SLIT1: variants seen among roughly 807,000 people sequenced by gnomAD.
SLIT1 encodes slit homolog 1 protein.
Under a neutral mutation model 186.1 loss-of-function variants are expected in SLIT1, and 66 were observed. That is an observed-to-expected ratio of 0.35 (90% confidence interval 0.29 to 0.44). The LOEUF is 0.44. SLIT1 is among the 20% of genes least tolerant of loss of function. The pLI is 1.00. For synonymous variants in SLIT1, 761 were observed against 833.8 expected (o/e 0.91, Z 1.50); for missense variants, 1,638 against 2,037.4 (o/e 0.80, Z 3.77).
intron 4 of SLIT1, among the ~76,000 whole-genome samples, chr10:97,077,746 A>AGAAT (rs1849059185): frequency 2.0e-5 from 3 of 152,158 alleles, no homozygotes. Flanking sequence ...CACTCCTAAG[A>AGAAT]GAATGATAAG....
chr10:97,124,210 C>G (rs531508093), intron 4 of SLIT1, among the ~76,000 whole-genome samples: 2 of 152,288 alleles, frequency 1.3e-5, no homozygotes, highest in Non-Finnish European at 2.9e-5. Flanking sequence ...GTAGGAAATT[C>G]AAGGTAGCTC....
chr10:97,064,820 C>G lies in SLIT1; in HGVS notation c.542G>C (p.Arg181Pro). 1 of 1,611,632 alleles carries G rather than the reference C, an allele frequency of 6.2e-7. No homozygotes were observed. Among genetic ancestry groups the G allele is most frequent in the Non-Finnish European group, 8.5e-7 (1 of 1,178,836 alleles). The change falls in exon 6 of 37, where the codon CGG becomes CCG. Residue 181 changes from arginine (R) to proline (P), a missense_variant. Arg to Pro is a moderately radical substitution (Grantham distance 103, BLOSUM62 -2). Coordinates refer to ENST00000266058, the MANE Select transcript of SLIT1 (RefSeq NM_003061.3). ...CTTTACTTACAGCACCTCCAGCCCC[C>G]GCAGAGCACGGAAGGCCCCTTCCTC... ...CIEEGAFRALRGLEVLTLNNN... is the reference protein window; with the variant it reads ...CIEEGAFRALPGLEVLTLNNN...
intron 4 of SLIT1, among the ~76,000 whole-genome samples, chr10:97,067,761 G>A (rs989133305): frequency 2.0e-5 from 3 of 152,178 alleles, no homozygotes; most frequent in African/African-American, 7.2e-5. Flanking sequence ...TGAACAACCA[G>A]CGGCAGACCG....
At chr10:97,119,943 A>ATATATG (rs1298104412) in intron 4 of SLIT1, among the ~76,000 whole-genome samples, 27 of 135,428 alleles carry the variant, frequency 2.0e-4, no homozygotes, top group Non-Finnish European at 2.9e-4. Flanking sequence ...ATATATATAT[A>ATATATG]TATGTATATG....
intron 9 of SLIT1, 97 bp from the exon 10 acceptor site, chr10:97,060,255 C>A: frequency 1.0e-6 from 1 of 960,466 alleles, no homozygotes; most frequent in South Asian, 1.3e-5. Context: ...ATCCTTTGGC[C>A]CCTCTTGCCC....
rs927398061 is a variant in SLIT1, at chr10:97,034,651, G to T, written c.2367-109C>A. On this transcript the variant is annotated intron_variant, in intron 22 of 36. Transcript: ENST00000266058. ...CTGCCCAGGGCCATTCCCCAGCCAGGTTGGCCAGGGGTGGAGAGGAGCCCT... is the reference window on the plus strand; with the variant it reads ...CTGCCCAGGGCCATTCCCCAGCCAGTTTGGCCAGGGGTGGAGAGGAGCCCT... 4 of 998,468 alleles carry T rather than the reference G, an allele frequency of 4.0e-6. No homozygotes were observed. In the African/African-American group the frequency reaches 4.8e-5, roughly 12 times the overall value. The allele number at this position is 998,468 out of a possible 1,614,324, so 61.9% of individuals were successfully genotyped here.
chr10:97,040,218 A>T (rs1289947526), intron 20 of SLIT1, 98 bp from the exon 21 acceptor site: 1 of 1,279,030 alleles, frequency 7.8e-7, no homozygotes, highest in Admixed American at 3.2e-5. Flanking sequence ...TCAGAACAGA[A>T]GACCCCTCTG....
chr10:97,134,858 T>G (rs1849686980), intron 4 of SLIT1, among the ~76,000 whole-genome samples: 1 of 152,198 alleles, frequency 6.6e-6, no homozygotes, highest in Non-Finnish European at 1.5e-5. Context: ...GGCAGGCCCT[T>G]GGATGAACCT....
intron 4 of SLIT1, among the ~76,000 whole-genome samples, chr10:97,083,598 T>A (rs1358076735): frequency 6.6e-6 from 1 of 152,202 alleles, no homozygotes; most frequent in African/African-American, 2.4e-5. Context: ...TCTAGACATA[T>A]CCTCATCAAA....
At chr10:97,111,831 C>G (rs569997678) in intron 4 of SLIT1, among the ~76,000 whole-genome samples, 98 of 152,262 alleles carry the variant, frequency 6.4e-4, no homozygotes, top group African/African-American at 2.2e-3. Context: ...TACTCATCGT[C>G]TTCAATTTAA....
Position 96,999,841 on chromosome 10 carries a change from G to A in SLIT1, c.*1271C>T, listed in dbSNP as rs1018970328. 7 of 152,264 alleles carry A rather than the reference G, an allele frequency of 4.6e-5. No homozygotes were observed. The East Asian group carries it at 1.4e-3, about 29-fold the overall frequency. 9.4% of individuals were successfully genotyped at this position (152,264 alleles called of 1,614,324 possible). ...CCTGGTCATTCCTGCGATGCTCTGG[G>A]ATGAGTTCACATCTGTCCATTAGGC... is the stretch of plus-strand genomic sequence containing the variant. On this transcript the variant is annotated 3_prime_UTR_variant, in exon 37 of 37. Coordinates refer to ENST00000266058, the MANE Select transcript of SLIT1 (RefSeq NM_003061.3).
intron 4 of SLIT1, among the ~76,000 whole-genome samples, chr10:97,106,538 A>G (rs7895198): frequency 0.29 from 43,514 of 152,086 alleles, 6,868 homozygotes; most frequent in African/African-American, 0.43. Flanking sequence ...TTTATTGCCC[A>G]GTGCAGCGCA....
rs758183573 is a variant in SLIT1, at chr10:97,001,178, G to A, written c.4539C>T (p.Ser1513=). Residue 1513 remains serine (S), a synonymous_variant, in exon 37 of 37, where the codon AGC becomes AGT. Coordinates refer to ENST00000266058, the MANE Select transcript of SLIT1 (RefSeq NM_003061.3). ...CCTCCTCGGCAAAAGAGGTCCCATC[G>A]CTGCACTCAAAGGTGAACTTCCTCC... The part of the protein sequence containing the change: ...LKRRKFTFEC[S]DGTSFAEEVE... 8.7e-6 allele frequency: 14 copies of A among 1,613,184 alleles called. No homozygotes were observed. The highest frequency in any genetic ancestry group is 4.4e-5 in the South Asian group (4 of 91,096).
intron 11 of SLIT1, chr10:97,058,196 G>T (rs1248198383): frequency 1.5e-6 from 1 of 646,390 alleles, no homozygotes; most frequent in Non-Finnish European, 2.9e-6. Flanking sequence ...TCCCATTTCA[G>T]AAACACCCCT....
At chr10:97,064,777 C>G (rs1323394525) in intron 6 of SLIT1, 28 bp downstream of exon 6, 2 of 1,573,242 alleles carry the variant, frequency 1.3e-6, no homozygotes, top group African/African-American at 2.7e-5. Context: ...CCTCCACACC[C>G]CTCCTTCCTT....
chr10:97,019,134 A>C, intron 26 of SLIT1, 27 bp from the exon 27 acceptor site: 22 of 715,536 alleles, frequency 3.1e-5, no homozygotes, highest in Non-Finnish European at 4.8e-5. Flanking sequence ...GTGCTAGTGC[A>C]GGGGGAGGGG....
At chr10:97,058,938 T>C (rs1399298751) in intron 11 of SLIT1, among the ~76,000 whole-genome samples, 2 of 152,208 alleles carry the variant, frequency 1.3e-5, no homozygotes, top group African/African-American at 2.4e-5. Flanking sequence ...CAGTAGATCC[T>C]GAAGGAAGGG....
chr10:97,003,008 G>A lies in SLIT1; in HGVS notation c.3866-16C>T. On this transcript the variant is annotated splice_polypyrimidine_tract_variant and intron_variant, in intron 34 of 36. Transcript: ENST00000266058. ...ACGGGCATCCCTGGGGTAGGGGAGGGAGCAGAGCTGGGCTGAGTAAAGCTC... is the reference window on the plus strand; with the variant it reads ...ACGGGCATCCCTGGGGTAGGGGAGGAAGCAGAGCTGGGCTGAGTAAAGCTC... The A allele has an allele frequency of 6.2e-7, 1 of 1,608,424 alleles. No homozygotes were observed. Among genetic ancestry groups the A allele is most frequent in the Non-Finnish European group, 8.5e-7 (1 of 1,176,488 alleles).
At chr10:97,161,987 G>A (rs1325647316) in intron 3 of SLIT1, among the ~76,000 whole-genome samples, 4 of 152,162 alleles carry the variant, frequency 2.6e-5, no homozygotes, top group African/African-American at 9.7e-5. Context: ...AGCTTCCCCA[G>A]GTGCCTGGCA....
Sources: allele counts gnomAD v4.1 joint callset (sites outside exome capture counted in the v4.1 genomes callset), GRCh38; gene constraint gnomAD v4.1.1; transcripts MANE v1.5; gene names NCBI Gene and HGNC (gene_info 2026-07-23, HGNC 2026-07-21).